LONP1: variants seen among roughly 807,000 people sequenced by gnomAD.
The protein encoded by LONP1 is lon peptidase 1, mitochondrial, also known as lon protease homolog, mitochondrial.
A neutral mutation model predicts 98.5 loss-of-function variants in LONP1; 31 were observed. The observed-to-expected ratio is 0.31, with a 90% CI of 0.24 to 0.42. The LOEUF (loss-of-function observed/expected upper bound fraction) is 0.42, where lower values mean the gene tolerates loss of function less well. LONP1 is among the 20% of genes least tolerant of loss of function. The probability of loss-of-function intolerance (pLI) is 1.00; values close to 1 mark genes in which losing one functional copy is unlikely to be tolerated. For missense variants in LONP1, 1,336 were observed against 1,350.6 expected, an observed-to-expected ratio of 0.99 and a Z score of 0.17; for synonymous variants, 781 against 594.7, an observed-to-expected ratio of 1.31 and a Z score of -4.56.
intron 17 of LONP1, among the ~76,000 whole-genome samples, chr19:5,692,528 T>C (rs1348563543): frequency 6.6e-6 from 1 of 151,996 alleles, no homozygotes; most frequent in African/African-American, 2.4e-5. Flanking sequence ...CATCCAGAGG[T>C]CAGGCAGTGT....
rs761191533 is a variant in LONP1, at chr19:5,699,122, G to T, written c.1590C>A (p.Thr530=). 10 of 1,585,408 alleles carry T rather than the reference G, an allele frequency of 6.3e-6. No homozygotes were observed. The highest frequency in any genetic ancestry group is 3.5e-5 in the Admixed American group (2 of 57,834). ...CFYGPPGVGK[T]SIARSIARAL... ...CGCGGGCGATGGAGCGAGCAATGCT[G>T]GTCTTACCCACGCCAGGGGGGCCAT... The change falls in exon 10 of 18, where the codon ACC becomes ACA. Residue 530 remains threonine, a synonymous_variant. Coordinates refer to ENST00000360614, the MANE Select transcript of LONP1 (RefSeq NM_004793.4).
chr19:5,714,292 A>G (rs765817873), intron 1 of LONP1, 21 bp from the exon 2 acceptor site: 14 of 1,550,906 alleles, frequency 9.0e-6, no homozygotes, highest in East Asian at 6.7e-5. Flanking sequence ...AATGACCCCA[A>G]AGTGAAATGC....
rs555297619 is a variant in LONP1 at position 5,704,525 on chromosome 19, G to A, written c.1367+1247C>T. On this transcript the variant is annotated intron_variant, in intron 8 of 17. Coordinates refer to ENST00000360614, the MANE Select transcript of LONP1 (RefSeq NM_004793.4). ...AACTCATGCCTTCCCTCTAAGCGCT[G>A]TCCTACGGCCTGCCCAGCCCTGCCC... Among the ~76,000 whole-genome samples, 14 of 152,312 alleles carry A rather than the reference G, an allele frequency of 9.2e-5. No individual in the cohort carries two copies. In the East Asian group the frequency reaches 1.5e-3, roughly 17 times the overall value.
In LONP1 at chr19:5,694,558, C is replaced by CG; in HGVS notation, c.2155-7dup. The CG allele has an allele frequency of 6.2e-7, 1 of 1,605,496 alleles. No individual in the cohort carries two copies. Among genetic ancestry groups the CG allele is most frequent in the Non-Finnish European group, 8.5e-7 (1 of 1,175,006 alleles). ...TAGGCCGATTTCCGTAACACCTGGGCGGTCAGGGCAACACAATGGGCACGG... is the reference window on the plus strand; with the variant it reads ...TAGGCCGATTTCCGTAACACCTGGGCGGGTCAGGGCAACACAATGGGCACGG... On this transcript the variant is annotated splice_polypyrimidine_tract_variant and splice_region_variant and intron_variant, in intron 14 of 17. Transcript: ENST00000360614.
intron 10 of LONP1, 53 bp downstream of exon 10, chr19:5,698,974 C>A: frequency 4.0e-6 from 6 of 1,517,418 alleles, no homozygotes; most frequent in Non-Finnish European, 5.3e-6. Flanking sequence ...AAGACGAAGC[C>A]CGGCAGCACA....
At chr19:5,697,417 A>G (rs1265079552) in intron 10 of LONP1, among the ~76,000 whole-genome samples, 1 of 151,182 alleles carries the variant, frequency 6.6e-6, no homozygotes, top group Admixed American at 6.6e-5. Context: ...CAGGCCCAGG[A>G]CACAGCCCGT....
chr19:5,700,634 G>T (rs1232582219), intron 9 of LONP1, among the ~76,000 whole-genome samples, 155 bp downstream of exon 9: 1 of 152,328 alleles, frequency 6.6e-6, no homozygotes, highest in Non-Finnish European at 1.5e-5. Flanking sequence ...CGGGGGCAGG[G>T]CAGGATGCTA....
chr19:5,697,484 A>T (rs2054956365), intron 10 of LONP1, among the ~76,000 whole-genome samples: 1 of 145,264 alleles, frequency 6.9e-6, no homozygotes, highest in Non-Finnish European at 1.5e-5. Context: ...TGAGGAGGCC[A>T]TGAGGCTGAG....
At chr19:5,696,490 C>CT in intron 11 of LONP1, 119 bp from the exon 12 acceptor site, 1 of 1,418,694 alleles carries the variant, frequency 7.0e-7, no homozygotes. Flanking sequence ...CACACCCTGC[C>CT]TTGGACGGGC....
chr19:5,715,955 C>T (rs908309610), intron 1 of LONP1, among the ~76,000 whole-genome samples: 1 of 151,960 alleles, frequency 6.6e-6, no homozygotes, highest in African/African-American at 2.4e-5. Flanking sequence ...AGGATCACAG[C>T]ACATTCTCAA....
At chr19:5,720,199 C>G (rs1159446688), upstream of LONP1, 6 of 1,385,012 alleles carry the variant, frequency 4.3e-6, no homozygotes, top group Non-Finnish European at 5.6e-6. Context: ...GCACGTGACG[C>G]CCGGCGCGTG....
rs769796325 is a variant in LONP1, at chr19:5,691,993, A to T, written c.*39T>A. ...CACAGCGCTCAGTTCTGGCCCAGACAGGGCCTGACATCCGCCGCCTGCAGT... is the reference window on the plus strand; with the variant it reads ...CACAGCGCTCAGTTCTGGCCCAGACTGGGCCTGACATCCGCCGCCTGCAGT... On this transcript the variant is annotated 3_prime_UTR_variant, in exon 18 of 18. Transcript: ENST00000360614. The T allele has an allele frequency of 6.9e-6, 11 of 1,590,056 alleles. No homozygotes were observed. In the East Asian group the frequency reaches 2.0e-4, roughly 29 times the overall value.
intron 8 of LONP1, among the ~76,000 whole-genome samples, chr19:5,702,789 T>C (rs2055078797): frequency 5.9e-5 from 9 of 151,330 alleles, no homozygotes; most frequent in Admixed American, 5.9e-4. Flanking sequence ...CGGTGCAAGA[T>C]GTGCTTTGTT....
At chr19:5,714,573 G>A (rs930086536) in intron 1 of LONP1, among the ~76,000 whole-genome samples, 3 of 151,508 alleles carry the variant, frequency 2.0e-5, no homozygotes, top group African/African-American at 4.9e-5. Context: ...CCAAAATGCC[G>A]GGATTATAGG....
rs537964116 is a variant in LONP1 at position 5,719,877 on chromosome 19, A to G, written c.256T>C (p.Ser86Pro). Residue 86 changes from serine to proline, a missense_variant, in exon 1 of 18, where the codon TCC becomes CCC. By Grantham distance (74) the Ser-to-Pro change is moderately conservative. Coordinates refer to ENST00000360614, the MANE Select transcript of LONP1 (RefSeq NM_004793.4). ...GCTCCTTCCTCCGCGCCGCCCTCGG[A>G]GGCGTCCTCGCCCCCCGAGAATGCG... ...GGAFSGGEDASEGGAEEGAGG... is the reference protein window; with the variant it reads ...GGAFSGGEDAPEGGAEEGAGG... 6.3e-6 allele frequency: 10 copies of G among 1,579,604 alleles called. No homozygotes were observed. In the East Asian group the frequency reaches 2.1e-4, roughly 33 times the overall value.
At chr19:5,715,370 G>A (rs1420493188) in intron 1 of LONP1, among the ~76,000 whole-genome samples, 3 of 149,184 alleles carry the variant, frequency 2.0e-5, no homozygotes, top group South Asian at 2.1e-4. Context: ...CAGGCTGGGC[G>A]CGGTGGCTCA....
At chr19:5,705,061 T>G (rs1457161233) in intron 8 of LONP1, among the ~76,000 whole-genome samples, 1 of 151,872 alleles carries the variant, frequency 6.6e-6, no homozygotes, top group East Asian at 1.9e-4. Flanking sequence ...ACTCAGGAAG[T>G]TGAGGCAGTA....
intron 14 of LONP1, 44 bp from the exon 15 acceptor site, chr19:5,694,596 A>ATGGG: frequency 6.4e-7 from 1 of 1,552,546 alleles, no homozygotes; most frequent in Non-Finnish European, 8.8e-7. Context: ...AGGTGGGGTG[A>ATGGG]CAGGTGCGGG....
In LONP1 at chr19:5,693,298, C is replaced by A. The variant is rs527366898; in HGVS notation, c.2703G>T (p.Ala901=). Residue 901 remains alanine, a splice_region_variant and synonymous_variant, in exon 17 of 18, where the codon GCG becomes GCT. Transcript: ENST00000360614. ...PVGGIKEKTI[A]AKRAGVTCIV... is the part of the protein sequence containing the mutation. Reference sequence around the variant, plus strand: ...GTGGGGTGGGTACAGGGACACTCACCGCAATGGTCTTCTCCTTGATGCCAC... The same window carrying A: ...GTGGGGTGGGTACAGGGACACTCACAGCAATGGTCTTCTCCTTGATGCCAC... The A allele has an allele frequency of 3.4e-4, 542 of 1,609,432 alleles. 7 individuals carry two copies. The South Asian group carries it at 5.6e-3, about 16-fold the overall frequency.
Sources: gnomAD v4.1 joint callset for allele counts (sites outside exome capture counted in the v4.1 genomes callset) on GRCh38, gnomAD v4.1.1 for gene constraint, MANE v1.5 for transcripts, NCBI Gene and HGNC (gene_info 2026-07-23, HGNC 2026-07-21) for gene names.